The following GRID2 variants were observed in gnomAD, a reference collection of about 807,000 sequenced individuals.
The protein encoded by GRID2 is glutamate ionotropic receptor delta type subunit 2.
In GRID2, 33 loss-of-function variants were observed where a neutral mutation model predicts 114.8. That is an observed-to-expected ratio of 0.29 (90% CI 0.22 to 0.38). The LOEUF (loss-of-function observed/expected upper bound fraction) is 0.38, where lower values mean the gene tolerates loss of function less well. GRID2 is among the 10% of genes least tolerant of loss of function. The pLI is 1.00. For missense variants in GRID2, 1,184 were observed against 1,257.7 expected (o/e 0.94, Z 0.89); for synonymous variants, 505 against 449.9 (o/e 1.12, Z -1.55).
At chr4:93,627,056 A>G (rs898635681) in intron 14 of GRID2, among the ~76,000 whole-genome samples, 1 of 152,222 alleles carries the variant, frequency 6.6e-6, no homozygotes, top group African/African-American at 2.4e-5. Flanking sequence ...TTTTAAATAT[A>G]TATTTTAGAT....
At chr4:93,543,670 G>A (rs952582503) in intron 13 of GRID2, among the ~76,000 whole-genome samples, 12 of 151,512 alleles carry the variant, frequency 7.9e-5, no homozygotes, top group African/African-American at 2.9e-4. Flanking sequence ...GTGAGAGCAA[G>A]AGAATGAAAA....
At chr4:92,948,790 G>A (rs1037092101) in intron 2 of GRID2, among the ~76,000 whole-genome samples, 5 of 151,902 alleles carry the variant, frequency 3.3e-5, no homozygotes, top group Non-Finnish European at 7.4e-5. Flanking sequence ...TACAATCTCT[G>A]AGAACACAGA....
intron 8 of GRID2, among the ~76,000 whole-genome samples, chr4:93,371,741 C>CTTTTTTTTT (rs1205096650): frequency 3.5e-4 from 31 of 89,788 alleles, no homozygotes; most frequent in African/African-American, 6.5e-4. Context: ...ATCACTATTT[C>CTTTTTTTTT]TTTTTTTTTT....
intron 2 of GRID2, among the ~76,000 whole-genome samples, chr4:92,666,669 T>TG (rs1732800934): frequency 6.7e-6 from 1 of 148,370 alleles, no homozygotes; most frequent in East Asian, 2.0e-4. Flanking sequence ...TTTTTTTTTT[T>TG]TCAGATCTTT....
chr4:93,122,728 A>C (rs1254097097), intron 4 of GRID2, among the ~76,000 whole-genome samples: 1 of 152,078 alleles, frequency 6.6e-6, no homozygotes, highest in Non-Finnish European at 1.5e-5. Flanking sequence ...TTAAAAAAAA[A>C]CAAATCTCTA....
intron 1 of GRID2, among the ~76,000 whole-genome samples, chr4:92,386,271 C>T (rs1307653050): frequency 6.6e-6 from 1 of 151,664 alleles, no homozygotes; most frequent in Non-Finnish European, 1.5e-5. Flanking sequence ...GGAATGCATA[C>T]TGTATATTCA....
chr4:93,448,545 T>C (rs941198953), intron 10 of GRID2, among the ~76,000 whole-genome samples: 1 of 151,986 alleles, frequency 6.6e-6, no homozygotes, highest in Admixed American at 6.6e-5. Context: ...AAGAAAACAC[T>C]ATTAAGTTCC....
intron 3 of GRID2, among the ~76,000 whole-genome samples, chr4:93,095,662 AC>A (rs1482731763): frequency 6.6e-6 from 1 of 152,004 alleles, no homozygotes; most frequent in African/African-American, 2.4e-5. Flanking sequence ...CTGAAATAAA[AC>A]ATAATATCAA....
At chr4:93,335,650 G>A (rs982768788) in intron 8 of GRID2, among the ~76,000 whole-genome samples, 3 of 150,510 alleles carry the variant, frequency 2.0e-5, no homozygotes, top group African/African-American at 7.4e-5. Context: ...TTAGCAACAT[G>A]TGTTTTGCTT....
chr4:92,892,626 T>G (rs910262417), intron 2 of GRID2, among the ~76,000 whole-genome samples: 10 of 152,222 alleles, frequency 6.6e-5, no homozygotes, highest in Admixed American at 6.5e-4. Flanking sequence ...AGCCATCACA[T>G]TGTTAATGCA....
intron 1 of GRID2, among the ~76,000 whole-genome samples, chr4:92,491,798 T>C (rs544120314): frequency 2.6e-4 from 40 of 152,300 alleles, no homozygotes; most frequent in African/African-American, 9.4e-4. Context: ...CTATGGTTTC[T>C]TCAGTGGATG....
chr4:93,098,989 CTGTGTG>C (rs71579585), intron 3 of GRID2, among the ~76,000 whole-genome samples: 1,974 of 138,960 alleles, frequency 0.014, 22 homozygotes, highest in Middle Eastern at 0.03. Flanking sequence ...AGATCATTTC[CTGTGTG>C]TGTGTGTGTG....
At chr4:93,602,926 C>G (rs985704050) in intron 13 of GRID2, among the ~76,000 whole-genome samples, 1 of 152,148 alleles carries the variant, frequency 6.6e-6, no homozygotes, top group Non-Finnish European at 1.5e-5. Context: ...GACAGGGAAA[C>G]AGGTGGGGTG....
At chr4:93,333,498 A>C (rs1758715940) in intron 8 of GRID2, among the ~76,000 whole-genome samples, 3 of 152,206 alleles carry the variant, frequency 2.0e-5, no homozygotes, top group Admixed American at 2.0e-4. Context: ...TGGCAAATTC[A>C]AAACCTTTTT....
intron 13 of GRID2, among the ~76,000 whole-genome samples, chr4:93,589,277 C>T (rs924043412): frequency 4.0e-5 from 6 of 148,948 alleles, no homozygotes; most frequent in African/African-American, 1.5e-4. Flanking sequence ...GTTCAATTCC[C>T]ACCTATGAGT....
intron 14 of GRID2, among the ~76,000 whole-genome samples, chr4:93,705,356 A>T: frequency 6.7e-6 from 1 of 148,666 alleles, no homozygotes. Flanking sequence ...CCTGAAACAG[A>T]GTCTCGCTGT....
chr4:93,061,868 A>G (rs1389778110), intron 2 of GRID2, among the ~76,000 whole-genome samples: 1 of 152,126 alleles, frequency 6.6e-6, no homozygotes, highest in African/African-American at 2.4e-5. Flanking sequence ...TCTATTCTCC[A>G]GTCAAGTGCT....
At chr4:92,435,135 C>A (rs1205056441) in intron 1 of GRID2, among the ~76,000 whole-genome samples, 1 of 152,110 alleles carries the variant, frequency 6.6e-6, no homozygotes, top group Non-Finnish European at 1.5e-5. Context: ...TAAGTGGGCA[C>A]CCCATCTGCA....
chr4:92,772,865 C>T (rs1738608850), intron 2 of GRID2, among the ~76,000 whole-genome samples: 1 of 152,162 alleles, frequency 6.6e-6, no homozygotes, highest in Non-Finnish European at 1.5e-5. Context: ...CACATCAATT[C>T]TTACCTCACT....
Sources: allele counts gnomAD v4.1 joint callset (sites outside exome capture counted in the v4.1 genomes callset), GRCh38; gene constraint gnomAD v4.1.1; transcripts MANE v1.5; gene names NCBI Gene and HGNC (gene_info 2026-07-23, HGNC 2026-07-21).